The following FRMD4B variants were observed in gnomAD, a reference collection of about 807,000 sequenced individuals.
FRMD4B encodes the protein FERM domain-containing protein 4B.
In FRMD4B, 74 loss-of-function variants were observed where a neutral mutation model predicts 141.5. That is an observed-to-expected ratio of 0.52 (90% confidence interval 0.43 to 0.63). The LOEUF is 0.63. Among genes scored for constraint, FRMD4B ranks in the 30% least tolerant of loss-of-function variants. The probability of loss-of-function intolerance (pLI) is 0.00; values close to 1 mark genes in which losing one functional copy is unlikely to be tolerated. For synonymous variants in FRMD4B, 506 were observed against 467.9 expected (o/e 1.08, Z -1.05); for missense variants, 1,366 against 1,253.4 (o/e 1.09, Z -1.36).
chr3:69,256,546 C>A (rs771144692), intron 5 of FRMD4B, among the ~76,000 whole-genome samples: 1 of 152,164 alleles, frequency 6.6e-6, no homozygotes, highest in Non-Finnish European at 1.5e-5. Flanking sequence ...TCTCGAACTC[C>A]TGACTTCAAG....
At position 69,291,016 on chromosome 3, in the gene FRMD4B, A is replaced by G. The variant is rs547802066; in HGVS notation, c.417-3180T>C. On this transcript the variant is annotated intron_variant, in intron 4 of 22. Coordinates refer to ENST00000398540, the MANE Select transcript of FRMD4B (RefSeq NM_015123.3). Reference sequence around the variant, plus strand: ...CGTTTTCACCAAAATGTTAACATATATAGAAGTACGTGTGTTCTCTATTGC... The same window carrying G: ...CGTTTTCACCAAAATGTTAACATATGTAGAAGTACGTGTGTTCTCTATTGC... 9.2e-5 allele frequency among the ~76,000 whole-genome samples: 14 copies of G among 152,372 alleles called. No homozygotes were observed. The South Asian group carries it at 2.5e-3, about 27-fold the overall frequency.
At chr3:69,492,298 C>T (rs969885621) in intron 1 of FRMD4B, among the ~76,000 whole-genome samples, 3 of 152,158 alleles carry the variant, frequency 2.0e-5, no homozygotes, top group Admixed American at 1.3e-4. Context: ...CAAGGGCCAG[C>T]GATCCCTCTT....
chr3:69,180,942 T>C lies in FRMD4B; in HGVS notation c.2808A>G (p.Gln936=), dbSNP rs1409529063. Residue 936 remains glutamine (Q), a synonymous_variant, in exon 21 of 23, where the codon CAA becomes CAG. Coordinates refer to ENST00000398540, the MANE Select transcript of FRMD4B (RefSeq NM_015123.3). The part of the protein sequence containing the change: ...SQRCLGFAGL[Q]VPCSPSSRAS... The stretch of plus-strand genomic sequence containing the variant: ...CACGACTGCTTGGAGAACAAGGTAC[T>C]TGCAGCCCCGCAAACCCCAGGCATC... 6.2e-7 allele frequency: 1 copy of C among 1,612,822 alleles called. No individual in the cohort carries two copies. The highest frequency in any genetic ancestry group is 1.3e-5 in the African/African-American group (1 of 75,026).
intron 1 of FRMD4B, among the ~76,000 whole-genome samples, chr3:69,325,571 T>C (rs1374041989): frequency 6.6e-6 from 1 of 152,180 alleles, no homozygotes. Context: ...AGGTTTGAGT[T>C]TGTGTCCCAG....
intron 1 of FRMD4B, among the ~76,000 whole-genome samples, chr3:69,455,003 A>C (rs890093334): frequency 3.9e-5 from 6 of 152,146 alleles, no homozygotes; most frequent in Admixed American, 3.9e-4. Flanking sequence ...CAGCACTCTA[A>C]ATCTAGCTAA....
At chr3:69,374,828 C>G (rs896562884) in intron 1 of FRMD4B, among the ~76,000 whole-genome samples, 1 of 152,156 alleles carries the variant, frequency 6.6e-6, no homozygotes, top group Non-Finnish European at 1.5e-5. Flanking sequence ...GGTGGCCATC[C>G]AGTCTACAAT....
At chr3:69,472,535 G>A (rs1225432613) in intron 1 of FRMD4B, 2 of 265,424 alleles carry the variant, frequency 7.5e-6, no homozygotes, top group Non-Finnish European at 1.5e-5. Flanking sequence ...ATGCCCTTTG[G>A]ATGTTTCCAC....
intron 1 of FRMD4B, among the ~76,000 whole-genome samples, chr3:69,316,167 G>A (rs1291507632): frequency 6.6e-6 from 1 of 152,184 alleles, no homozygotes; most frequent in African/African-American, 2.4e-5. Context: ...GTATTATGAA[G>A]ATGTGGCCCA....
chr3:69,466,442 T>C (rs1410868003), intron 1 of FRMD4B, among the ~76,000 whole-genome samples: 1 of 152,192 alleles, frequency 6.6e-6, no homozygotes, highest in Non-Finnish European at 1.5e-5. Context: ...AGATTGTTTT[T>C]GTGGAAAAAC....
chr3:69,177,558 G>A (rs1204634247), intron 21 of FRMD4B, among the ~76,000 whole-genome samples: 2 of 152,132 alleles, frequency 1.3e-5, no homozygotes, highest in African/African-American at 2.4e-5. Context: ...GCTGAGGTGG[G>A]AGGATCACTC....
intron 1 of FRMD4B, among the ~76,000 whole-genome samples, chr3:69,501,535 T>A (rs1278714318): frequency 6.6e-6 from 1 of 152,136 alleles, no homozygotes; most frequent in Non-Finnish European, 1.5e-5. Context: ...GTATAAAACA[T>A]AGCTCAACAC....
In FRMD4B at chr3:69,266,342, C is replaced by T. The variant is rs537898399; in HGVS notation, c.502-16243G>A. Among the ~76,000 whole-genome samples the T allele has an allele frequency of 5.9e-5, 9 of 152,132 alleles. No homozygotes were observed. In the South Asian group the frequency reaches 8.3e-4, roughly 14 times the overall value. Reference sequence around the variant, plus strand: ...TGACAGAAAGGATTTTTTGTGTGTGCGTGTGAGATGGAGCAGCCTGCCGCC... The same window carrying T: ...TGACAGAAAGGATTTTTTGTGTGTGTGTGTGAGATGGAGCAGCCTGCCGCC... On this transcript the variant is annotated intron_variant, in intron 5 of 22. Coordinates refer to ENST00000398540, the MANE Select transcript of FRMD4B (RefSeq NM_015123.3).
chr3:69,230,101 G>A (rs1334449965), intron 7 of FRMD4B, among the ~76,000 whole-genome samples: 1 of 151,636 alleles, frequency 6.6e-6, no homozygotes, highest in African/African-American at 2.4e-5. Context: ...TCAGCTTCCC[G>A]AGTAGCTGGG....
chr3:69,425,751 T>C (rs186121745), intron 2 of FRMD4B, among the ~76,000 whole-genome samples: 11 of 152,308 alleles, frequency 7.2e-5, no homozygotes, highest in Admixed American at 6.5e-4. Flanking sequence ...CACAATAAGA[T>C]AGGTATTATT....
At chr3:69,476,760 TG>T (rs1706007743) in intron 1 of FRMD4B, among the ~76,000 whole-genome samples, 1 of 152,206 alleles carries the variant, frequency 6.6e-6, no homozygotes, top group Non-Finnish European at 1.5e-5. Context: ...GGTAGCTTGA[TG>T]GGGATGGCTT....
intron 1 of FRMD4B, among the ~76,000 whole-genome samples, chr3:69,475,366 C>T (rs896394916): frequency 5.3e-5 from 8 of 151,526 alleles, no homozygotes; most frequent in African/African-American, 1.7e-4. Flanking sequence ...TTCCCCCCAC[C>T]CCACAACAGT....
intron 5 of FRMD4B, among the ~76,000 whole-genome samples, chr3:69,276,257 C>A (rs1291257577): frequency 1.3e-5 from 2 of 152,142 alleles, no homozygotes; most frequent in Non-Finnish European, 2.9e-5. Context: ...TTGGTAGAGT[C>A]CTGGATGACA....
At chr3:69,527,259 C>T (rs1015334348) in intron 1 of FRMD4B, among the ~76,000 whole-genome samples, 1 of 152,252 alleles carries the variant, frequency 6.6e-6, no homozygotes, top group East Asian at 1.9e-4. Context: ...AATAAATGTA[C>T]ATTTGAACGT....
intron 5 of FRMD4B, among the ~76,000 whole-genome samples, chr3:69,265,746 C>T (rs1304645058): frequency 6.6e-6 from 1 of 151,974 alleles, no homozygotes; most frequent in Non-Finnish European, 1.5e-5. Context: ...AGCGCCTGGC[C>T]ACATATTTGT....
Sources: gnomAD v4.1 joint callset for allele counts (sites outside exome capture counted in the v4.1 genomes callset) on GRCh38, gnomAD v4.1.1 for gene constraint, MANE v1.5 for transcripts, NCBI Gene and HGNC (gene_info 2026-07-23, HGNC 2026-07-21) for gene names.